Variants in NCOA2 observed in about 807,000 individuals in gnomAD.
NCOA2 encodes the protein class E basic helix-loop-helix protein 75.
NCOA2 carries 21 observed loss-of-function variants against 145.1 expected under a neutral mutation model. The observed-to-expected ratio is 0.14, with a 90% confidence interval of 0.10 to 0.21. NCOA2 has a LOEUF of 0.21. Ranked by LOEUF, NCOA2 falls within the 10% of genes least tolerant of loss-of-function variation. NCOA2 has a pLI of 1.00. For synonymous variants in NCOA2, 619 were observed against 637.5 expected (o/e 0.97, Z 0.44); for missense variants, 1,472 against 1,837.6 (o/e 0.80, Z 3.64).
chr8:70,192,704 C>T (rs1055455183), intron 4 of NCOA2, among the ~76,000 whole-genome samples: 4 of 152,180 alleles, frequency 2.6e-5, no homozygotes, highest in Non-Finnish European at 1.5e-5. Context: ...TATAGTATCC[C>T]TCCTTGTAAT....
intron 2 of NCOA2, among the ~76,000 whole-genome samples, chr8:70,230,524 G>A (rs934388243): frequency 3.9e-5 from 6 of 152,150 alleles, no homozygotes; most frequent in African/African-American, 1.4e-4. Context: ...AAACCAACAG[G>A]CTTAACCTGG....
intron 1 of NCOA2, among the ~76,000 whole-genome samples, chr8:70,390,948 G>A (rs1193311661): frequency 2.0e-5 from 3 of 152,146 alleles, no homozygotes; most frequent in Non-Finnish European, 2.9e-5. Flanking sequence ...TTCTCAAAGT[G>A]AGAATGAACC....
At chr8:70,335,155 A>T (rs532679222) in intron 1 of NCOA2, among the ~76,000 whole-genome samples, 2,579 of 115,348 alleles carry the variant, frequency 0.022, 83 homozygotes, top group Middle Eastern at 0.041. Context: ...AAAAAAAAAG[A>T]TCTCTCCCTA....
At chr8:70,226,416 T>C (rs1192569533) in intron 2 of NCOA2, among the ~76,000 whole-genome samples, 2 of 152,078 alleles carry the variant, frequency 1.3e-5, no homozygotes, top group African/African-American at 4.8e-5. Flanking sequence ...TGTAAGTGTA[T>C]GAATTGTTTA....
At chr8:70,374,838 G>C (rs150147046) in intron 1 of NCOA2, among the ~76,000 whole-genome samples, 49 of 149,964 alleles carry the variant, frequency 3.3e-4, no homozygotes, top group Non-Finnish European at 7.0e-4. Context: ...CATATATGCC[G>C]ATACGTTAAA....
chr8:70,455,127 T>G, the NCOA2 span, among the ~76,000 whole-genome samples: 2 of 152,372 alleles, frequency 1.3e-5, no homozygotes, highest in East Asian at 3.8e-4. Flanking sequence ...TCTTTTCACA[T>G]TTTATATGAC....
intron 18 of NCOA2, 122 bp from the exon 19 acceptor site, chr8:70,127,169 A>T: frequency 1.5e-6 from 1 of 688,998 alleles, no homozygotes. Flanking sequence ...TTGGAAAAAA[A>T]TTACATGAAA....
At chr8:70,138,177 G>C in intron 15 of NCOA2, 26 bp downstream of exon 15, 1 of 1,590,924 alleles carries the variant, frequency 6.3e-7, no homozygotes, top group Non-Finnish European at 8.5e-7. Flanking sequence ...TAAAATAACT[G>C]GCTACCCTAG....
intron 2 of NCOA2, among the ~76,000 whole-genome samples, chr8:70,267,056 A>G (rs1824657973): frequency 6.6e-6 from 1 of 152,246 alleles, no homozygotes; most frequent in African/African-American, 2.4e-5. Context: ...TTGAACAATT[A>G]CAGCATTTTC....
At position 70,225,014 on chromosome 8, in the gene NCOA2, C is replaced by T. The variant is rs1036774558; in HGVS notation, c.-19-8250G>A. On this transcript the variant is annotated intron_variant, in intron 2 of 22. Coordinates refer to ENST00000452400, the MANE Select transcript of NCOA2 (RefSeq NM_006540.4). Reference sequence around the variant, plus strand: ...GGAGTACTTAAGTTGCCCATCATCCCGAGACTCTCAGACAGCGGCAGCAAG... The same window carrying T: ...GGAGTACTTAAGTTGCCCATCATCCTGAGACTCTCAGACAGCGGCAGCAAG... Among the ~76,000 whole-genome samples, 8 of 151,986 alleles carry T rather than the reference C, an allele frequency of 5.3e-5. No individual in the cohort carries two copies. The South Asian group carries it at 8.3e-4, about 16-fold the overall frequency.
intron 18 of NCOA2, among the ~76,000 whole-genome samples, chr8:70,127,460 G>A (rs1004294216): frequency 1.5e-4 from 23 of 152,142 alleles, no homozygotes; most frequent in African/African-American, 2.9e-4. Flanking sequence ...AAAAGGTGAC[G>A]TGGTGCACTT....
intron 2 of NCOA2, among the ~76,000 whole-genome samples, chr8:70,293,787 AAT>A (rs1826883944): frequency 6.6e-6 from 1 of 152,178 alleles, no homozygotes; most frequent in African/African-American, 2.4e-5. Context: ...TAACTTTAAA[AAT>A]GCTTAAAATG....
chr8:70,153,939 T>C (rs1030299006), intron 11 of NCOA2, among the ~76,000 whole-genome samples: 1 of 152,162 alleles, frequency 6.6e-6, no homozygotes, highest in Non-Finnish European at 1.5e-5. Context: ...AAAAATTGTA[T>C]CCGACCTTTA....
At chr8:70,327,573 T>C (rs571371455) in intron 1 of NCOA2, among the ~76,000 whole-genome samples, 2 of 152,288 alleles carry the variant, frequency 1.3e-5, no homozygotes, top group African/African-American at 4.8e-5. Context: ...ACAAAATTAA[T>C]GTAGTTAAAA....
At chr8:70,127,584 G>T (rs760620312) in intron 18 of NCOA2, among the ~76,000 whole-genome samples, 3 of 152,160 alleles carry the variant, frequency 2.0e-5, no homozygotes, top group African/African-American at 4.8e-5. Context: ...AAGGCAGGAT[G>T]GATGAAGGGA....
chr8:70,199,909 A>T (rs971701232), intron 4 of NCOA2, among the ~76,000 whole-genome samples: 1 of 152,210 alleles, frequency 6.6e-6, no homozygotes, highest in Admixed American at 6.5e-5. Flanking sequence ...AGCCTTCTGT[A>T]TCCATGGGTT....
Position 70,112,590 on chromosome 8 carries a change from T to C in NCOA2, c.*1042A>G. ...AAACATGCTTCCAAAGCAGGTATCC[T>C]TAGCTCGATTGGTATCAAGCCTTAA... is the stretch of plus-strand genomic sequence containing the variant. On this transcript the variant is annotated 3_prime_UTR_variant, in exon 23 of 23. Coordinates refer to ENST00000452400, the MANE Select transcript of NCOA2 (RefSeq NM_006540.4). 4.9e-6 allele frequency: 1 copy of C among 204,640 alleles called. No homozygotes were observed. Among genetic ancestry groups the C allele is most frequent in the East Asian group, 7.5e-5 (1 of 13,320 alleles). 12.7% of individuals were successfully genotyped at this position (204,640 alleles called of 1,614,324 possible).
chr8:70,114,524 A>G (rs1190295190), intron 22 of NCOA2, among the ~76,000 whole-genome samples: 1 of 152,234 alleles, frequency 6.6e-6, no homozygotes, highest in African/African-American at 2.4e-5. Flanking sequence ...TTCAGCATCT[A>G]TTACATGCTA....
chr8:70,302,143 T>G (rs1416321257), intron 1 of NCOA2, among the ~76,000 whole-genome samples: 1 of 152,170 alleles, frequency 6.6e-6, no homozygotes, highest in Non-Finnish European at 1.5e-5. Flanking sequence ...TTATTGAACA[T>G]GATATTGTTA....
Sources: gnomAD v4.1 joint callset for allele counts (sites outside exome capture counted in the v4.1 genomes callset) on GRCh38, gnomAD v4.1.1 for gene constraint, MANE v1.5 for transcripts, NCBI Gene and HGNC (gene_info 2026-07-23, HGNC 2026-07-21) for gene names.